DLG2: variants seen among roughly 807,000 people sequenced by gnomAD.
The protein encoded by DLG2 is discs large MAGUK scaffold protein 2, also known as disks large homolog 2.
In DLG2, 45 loss-of-function variants were observed where a neutral mutation model predicts 132.5. That is an observed-to-expected ratio of 0.34 (90% confidence interval 0.27 to 0.44). DLG2 has a LOEUF of 0.44. Among genes scored for constraint, DLG2 ranks in the 20% least tolerant of loss-of-function variants. The probability of loss-of-function intolerance (pLI) is 1.00; values close to 1 mark genes in which losing one functional copy is unlikely to be tolerated. For synonymous variants in DLG2, 424 were observed against 419.6 expected (o/e 1.01, Z -0.13); for missense variants, 1,045 against 1,196.9 (o/e 0.87, Z 1.87).
At chr11:85,331,427 G>T (rs995055338) in intron 3 of DLG2, among the ~76,000 whole-genome samples, 10 of 151,898 alleles carry the variant, frequency 6.6e-5, no homozygotes, top group African/African-American at 2.4e-4. Context: ...ATTACATTTT[G>T]TTGTTAATTC....
chr11:84,960,498 C>T lies in DLG2; in HGVS notation c.357+151163G>A, dbSNP rs150659259. Among the ~76,000 whole-genome samples, 561 of 151,310 alleles carry T rather than the reference C, an allele frequency of 3.7e-3. 2 individuals are homozygous for T. The highest frequency in any genetic ancestry group is 0.013 in the African/African-American group (518 of 41,158). On this transcript the variant is annotated intron_variant, in intron 6 of 27. Transcript: ENST00000376104. ...TCACCCAGGCTGGAGTGCACTGGCG[C>T]AATCTCGGCTCACTGCAACCTCCGC...
At chr11:84,277,652 C>G (rs373408212) in intron 7 of DLG2, among the ~76,000 whole-genome samples, 1 of 152,034 alleles carries the variant, frequency 6.6e-6, no homozygotes, top group African/African-American at 2.4e-5. Flanking sequence ...CAGCTTCCAT[C>G]TTTCACGAGA....
intron 3 of DLG2, among the ~76,000 whole-genome samples, chr11:85,346,863 G>A (rs915849863): frequency 3.3e-5 from 5 of 152,100 alleles, no homozygotes; most frequent in Admixed American, 3.3e-4. Flanking sequence ...AGTAGTCAAT[G>A]AATGGAGAAG....
chr11:83,875,288 T>G (rs1222371514), intron 15 of DLG2, among the ~76,000 whole-genome samples: 1 of 152,146 alleles, frequency 6.6e-6, no homozygotes, highest in Non-Finnish European at 1.5e-5. Context: ...TGATAATATC[T>G]AACATTTATT....
chr11:84,781,795 G>A (rs1342395216), intron 6 of DLG2, among the ~76,000 whole-genome samples: 2 of 152,220 alleles, frequency 1.3e-5, no homozygotes, highest in Middle Eastern at 3.4e-3. Context: ...AAGGAAACAA[G>A]ATATTTCCAT....
intron 7 of DLG2, among the ~76,000 whole-genome samples, chr11:84,439,154 C>T (rs557126899): frequency 2.3e-4 from 35 of 152,272 alleles, no homozygotes; most frequent in Non-Finnish European, 3.5e-4. Flanking sequence ...ATTTAATCTA[C>T]GTTTATTCAA....
chr11:85,596,759 T>A (rs2079801265), intron 3 of DLG2, among the ~76,000 whole-genome samples: 1 of 152,316 alleles, frequency 6.6e-6, no homozygotes, highest in Non-Finnish European at 1.5e-5. Context: ...GATATAAATC[T>A]TCTCTAGGAT....
At chr11:83,581,385 T>A (rs2096973213) in intron 19 of DLG2, among the ~76,000 whole-genome samples, 2 of 152,176 alleles carry the variant, frequency 1.3e-5, no homozygotes, top group Admixed American at 6.5e-5. Flanking sequence ...AGAATTACAC[T>A]GTTAATCAAA....
chr11:84,934,520 G>GTTTT (rs1277703004), intron 6 of DLG2, among the ~76,000 whole-genome samples: 2 of 39,132 alleles, frequency 5.1e-5, no homozygotes, highest in African/African-American at 2.2e-4. Context: ...TTTTTGTTTT[G>GTTTT]TTTTGTTTTT....
intron 22 of DLG2, chr11:83,483,110 G>C (rs1204342946): frequency 1.5e-6 from 1 of 672,276 alleles, no homozygotes; most frequent in Non-Finnish European, 2.6e-6. Context: ...TACTTTGTAG[G>C]AGCATTCACA....
At chr11:85,188,705 A>G (rs962563343) in intron 4 of DLG2, among the ~76,000 whole-genome samples, 2 of 152,222 alleles carry the variant, frequency 1.3e-5, no homozygotes, top group African/African-American at 2.4e-5. Flanking sequence ...GAAGTATAAC[A>G]TTTAATAACT....
intron 7 of DLG2, among the ~76,000 whole-genome samples, chr11:84,426,703 G>T (rs1051479236): frequency 1.3e-5 from 2 of 151,936 alleles, no homozygotes; most frequent in African/African-American, 4.8e-5. Context: ...TTTTTCCCAA[G>T]ACTTGAAATA....
chr11:84,027,299 T>C (rs1593383262), intron 11 of DLG2, among the ~76,000 whole-genome samples: 1 of 152,264 alleles, frequency 6.6e-6, no homozygotes, highest in South Asian at 2.1e-4. Flanking sequence ...AGTAAAGTTT[T>C]GGCAACTACT....
rs377681505 is a variant in DLG2 at position 84,001,531 on chromosome 11, T to C, written c.920-20889A>G. Among the ~76,000 whole-genome samples the C allele has an allele frequency of 7.9e-5, 12 of 152,082 alleles. No homozygotes were observed. In the East Asian group the frequency reaches 1.5e-3, roughly 20 times the overall value. On this transcript the variant is annotated intron_variant, in intron 11 of 27. Transcript: ENST00000376104. ...GGTACTTCAATATCCCACTCGGCAT[T>C]AGACAGATCATTTACACAGAAAATT...
At chr11:84,364,534 C>G (rs1311753622) in intron 7 of DLG2, among the ~76,000 whole-genome samples, 3 of 152,184 alleles carry the variant, frequency 2.0e-5, no homozygotes, top group African/African-American at 7.2e-5. Context: ...CTAGCCAGAA[C>G]TTCCAACACT....
intron 11 of DLG2, among the ~76,000 whole-genome samples, chr11:84,003,856 A>C (rs2094462916): frequency 6.6e-6 from 1 of 152,182 alleles, no homozygotes; most frequent in African/African-American, 2.4e-5. Flanking sequence ...AAATGGATAA[A>C]TTCCTGGAAA....
At chr11:84,424,295 T>G (rs368180009) in intron 7 of DLG2, among the ~76,000 whole-genome samples, 1 of 152,124 alleles carries the variant, frequency 6.6e-6, no homozygotes, top group Non-Finnish European at 1.5e-5. Flanking sequence ...TTGTGGAGCA[T>G]GTGATTACAA....
chr11:84,738,538 C>T (rs1765127385), intron 6 of DLG2, among the ~76,000 whole-genome samples: 1 of 152,064 alleles, frequency 6.6e-6, no homozygotes, highest in African/African-American at 2.4e-5. Context: ...CTATATGTTG[C>T]TATAAAATTA....
intron 3 of DLG2, among the ~76,000 whole-genome samples, chr11:85,316,890 T>C (rs2080719187): frequency 6.6e-6 from 1 of 151,870 alleles, no homozygotes; most frequent in African/African-American, 2.4e-5. Context: ...TCTACAGTCT[T>C]ATGGGAGACA....
Sources: allele counts gnomAD v4.1 joint callset (sites outside exome capture counted in the v4.1 genomes callset), GRCh38; gene constraint gnomAD v4.1.1; transcripts MANE v1.5; gene names NCBI Gene and HGNC (gene_info 2026-07-23, HGNC 2026-07-21).